Variants in INSYN2A observed in about 807,000 individuals in gnomAD.
The protein encoded by INSYN2A is inhibitory synaptic factor 2A, also known as family with sequence similarity 196 member A.
Under a neutral mutation model 39.4 loss-of-function variants are expected in INSYN2A, and 17 were observed. The ratio of observed to expected loss-of-function variants is 0.43; its 90% CI spans 0.30 to 0.65. The LOEUF (loss-of-function observed/expected upper bound fraction) is 0.65, where lower values mean the gene tolerates loss of function less well. INSYN2A is among the 30% of genes least tolerant of loss of function. The pLI, the probability that INSYN2A is intolerant of heterozygous loss-of-function variation, is 0.14. For missense variants in INSYN2A, 595 were observed against 631.2 expected (o/e 0.94, Z 0.61); for synonymous variants, 255 against 265.7 (o/e 0.96, Z 0.39).
Position 127,148,300 on chromosome 10 carries a change from C to T in INSYN2A, c.1256+5552G>A, listed in dbSNP as rs372002449. ...GAAATGAAGCAGACACAGCGTGCTCCGGGAGGATGTGGTCACTCAGGGCTT... is the reference window on the plus strand; with the variant it reads ...GAAATGAAGCAGACACAGCGTGCTCTGGGAGGATGTGGTCACTCAGGGCTT... On this transcript the variant is annotated intron_variant, in intron 5 of 5. Coordinates refer to ENST00000522781, the MANE Select transcript of INSYN2A (RefSeq NM_001039762.3). Among the ~76,000 whole-genome samples, 12 of 152,242 alleles carry T rather than the reference C, an allele frequency of 7.9e-5. No homozygotes were observed. In the South Asian group the frequency reaches 1.2e-3, roughly 16 times the overall value.
Position 127,135,703 on chromosome 10 carries a change from A to C in INSYN2A, c.*2134T>G, listed in dbSNP as rs1021382955. ...AGGGATGAATTAATTTATCTTCAGA[A>C]GTTCCTTTTTGACTCTGAACATTTT... On this transcript the variant is annotated 3_prime_UTR_variant, in exon 6 of 6. Coordinates refer to ENST00000522781, the MANE Select transcript of INSYN2A (RefSeq NM_001039762.3). 6.6e-6 allele frequency: 1 copy of C among 152,622 alleles called. No individual in the cohort carries two copies. The highest frequency in any genetic ancestry group is 2.4e-5 in the African/African-American group (1 of 41,452). 9.5% of individuals were successfully genotyped at this position (152,622 alleles called of 1,614,324 possible).
At chr10:127,173,968 C>T (rs544869027) in intron 4 of INSYN2A, among the ~76,000 whole-genome samples, 1 of 152,344 alleles carries the variant, frequency 6.6e-6, no homozygotes, top group Non-Finnish European at 1.5e-5. Flanking sequence ...CAGCCAGAGC[C>T]CAGGGCAGGA....
intron 2 of INSYN2A, among the ~76,000 whole-genome samples, chr10:127,182,861 T>C (rs1303834154): frequency 6.6e-6 from 1 of 152,088 alleles, no homozygotes; most frequent in African/African-American, 2.4e-5. Context: ...TTAGTTACGA[T>C]AGCAGGTGTC....
rs527838302 is a variant in INSYN2A at position 127,152,880 on chromosome 10, C to G, written c.1256+972G>C. Among the ~76,000 whole-genome samples, 48 of 152,264 alleles carry G rather than the reference C, an allele frequency of 3.2e-4. No homozygotes were observed. The South Asian group carries it at 9.7e-3, about 31-fold the overall frequency. On this transcript the variant is annotated intron_variant, in intron 5 of 5. Coordinates refer to ENST00000522781, the MANE Select transcript of INSYN2A (RefSeq NM_001039762.3). ...GCTTTTGCTTTTAAGGAACCTGGGC[C>G]CTATCTGGGATGCTCTGTCTGGATC...
intron 2 of INSYN2A, among the ~76,000 whole-genome samples, chr10:127,192,232 A>G (rs1159584885): frequency 2.0e-5 from 3 of 152,226 alleles, no homozygotes; most frequent in Non-Finnish European, 4.4e-5. Context: ...CTTTGAATAA[A>G]CAGTTCAGTG....
intron 2 of INSYN2A, among the ~76,000 whole-genome samples, chr10:127,189,135 A>C (rs2056537140): frequency 6.6e-6 from 1 of 152,220 alleles, no homozygotes; most frequent in African/African-American, 2.4e-5. Flanking sequence ...ACGAGACACA[A>C]GCTTGAGAAT....
At chr10:127,162,030 A>G (rs2053634000) in intron 4 of INSYN2A, among the ~76,000 whole-genome samples, 1 of 152,174 alleles carries the variant, frequency 6.6e-6, no homozygotes, top group Non-Finnish European at 1.5e-5. Context: ...TGTCTGTGGT[A>G]GAGTTACTTT....
chr10:127,163,478 A>C (rs1036908300), intron 4 of INSYN2A, among the ~76,000 whole-genome samples: 1 of 152,162 alleles, frequency 6.6e-6, no homozygotes, highest in African/African-American at 2.4e-5. Flanking sequence ...CCTCAGGGCC[A>C]GAAGTAGAGT....
chr10:127,181,623 T>C (rs1314109835), intron 2 of INSYN2A, among the ~76,000 whole-genome samples: 1 of 152,216 alleles, frequency 6.6e-6, no homozygotes, highest in Non-Finnish European at 1.5e-5. Context: ...TCAAAGATGC[T>C]GGTGGGGATT....
rs1286960880 is a variant in INSYN2A, at chr10:127,135,955, T to G, written c.*1882A>C. On this transcript the variant is annotated 3_prime_UTR_variant, in exon 6 of 6. Coordinates refer to ENST00000522781, the MANE Select transcript of INSYN2A (RefSeq NM_001039762.3). ...CAGTATAAAAAACATGAAACCCATT[T>G]TTAAATATTTAGTCTACGTGAAACA... 1.3e-5 allele frequency: 2 copies of G among 152,676 alleles called. No individual in the cohort carries two copies. The highest frequency in any genetic ancestry group is 1.9e-4 in the East Asian group (1 of 5,200). 9.5% of individuals were successfully genotyped at this position (152,676 alleles called of 1,614,324 possible).
chr10:127,142,445 C>G (rs1382539961), intron 5 of INSYN2A, among the ~76,000 whole-genome samples: 1 of 152,138 alleles, frequency 6.6e-6, no homozygotes, highest in Non-Finnish European at 1.5e-5. Flanking sequence ...GTGTCCATGT[C>G]ATGAGGAATT....
At chr10:127,168,423 A>AGCGCTGCTTTCTCTCTGCTGC (rs1298541112) in intron 4 of INSYN2A, among the ~76,000 whole-genome samples, 1 of 152,260 alleles carries the variant, frequency 6.6e-6, no homozygotes, top group Non-Finnish European at 1.5e-5. Context: ...ATCTCAGCTC[A>AGCGCTGCTTTCTCTCTGCTGC]GCGCTGCTTT....
At chr10:127,169,286 T>G (rs1466070046) in intron 4 of INSYN2A, among the ~76,000 whole-genome samples, 1 of 152,204 alleles carries the variant, frequency 6.6e-6, no homozygotes, top group Non-Finnish European at 1.5e-5. Context: ...GCCGATGAAC[T>G]GTGAACCCCT....
chr10:127,147,382 TG>T (rs2051983120), intron 5 of INSYN2A, among the ~76,000 whole-genome samples: 1 of 152,148 alleles, frequency 6.6e-6, no homozygotes, highest in African/African-American at 2.4e-5. Context: ...CTCCCTAACC[TG>T]GCCTCCCTCC....
Position 127,176,486 on chromosome 10 carries a change from C to T in INSYN2A, c.-5-86G>A, listed in dbSNP as rs567107963. 15 of 1,091,450 alleles carry T rather than the reference C, an allele frequency of 1.4e-5. No individual in the cohort carries two copies. Among genetic ancestry groups the T allele is most frequent in the African/African-American group, 4.7e-5 (3 of 64,230 alleles). The allele number at this position is 1,091,450 out of a possible 1,614,324, so 67.6% of individuals were successfully genotyped here. ...CCGCACAAACTTTTAGCCACCACGA[C>T]GACTGCCTGTTTCCTAATTATATTT... On this transcript the variant is annotated intron_variant, in intron 3 of 5. Coordinates refer to ENST00000522781, the MANE Select transcript of INSYN2A (RefSeq NM_001039762.3). The surrounding 1 kb of genome is among the most constrained non-coding windows in gnomAD (Gnocchi z 4.4).
chr10:127,168,576 C>T (rs2133798409), intron 4 of INSYN2A, among the ~76,000 whole-genome samples: 1 of 152,314 alleles, frequency 6.6e-6, no homozygotes, highest in East Asian at 1.9e-4. Flanking sequence ...ATGTCACCCA[C>T]CTCCTCTCCT....
chr10:127,186,469 A>G (rs1370107888), intron 2 of INSYN2A, among the ~76,000 whole-genome samples: 2 of 123,706 alleles, frequency 1.6e-5, no homozygotes, highest in Admixed American at 1.0e-4. Context: ...ATCTCCTGCG[A>G]TTTCACTCAC....
chr10:127,137,270 C>T lies in INSYN2A; in HGVS notation c.*567G>A, dbSNP rs1215999052. On this transcript the variant is annotated 3_prime_UTR_variant, in exon 6 of 6. Transcript: ENST00000522781. ...GGCTTAGCGCTATAGCACATGAAGG[C>T]AAATATACATATAGTCACATTTTAG... is the stretch of plus-strand genomic sequence containing the variant. 6.6e-6 allele frequency: 1 copy of T among 152,670 alleles called. No homozygotes were observed. The highest frequency in any genetic ancestry group is 2.4e-5 in the African/African-American group (1 of 41,434). The allele number at this position is 152,670 out of a possible 1,614,324, so 9.5% of individuals were successfully genotyped here.
intron 4 of INSYN2A, 143 bp from the exon 5 acceptor site, chr10:127,154,066 C>T (rs771847488): frequency 1.4e-5 from 9 of 634,766 alleles, no homozygotes; most frequent in Non-Finnish European, 2.6e-5. Context: ...TCCCAGTTTG[C>T]TCCTGTCTCT....
Sources: gnomAD v4.1 joint callset for allele counts (sites outside exome capture counted in the v4.1 genomes callset) on GRCh38, gnomAD v4.1.1 for gene constraint, Gnocchi (gnomAD v3.1) non-coding constraint, MANE v1.5 for transcripts, NCBI Gene and HGNC (gene_info 2026-07-23, HGNC 2026-07-21) for gene names.